The following MICAL2 variants were observed in gnomAD, a reference collection of about 807,000 sequenced individuals.
The protein encoded by MICAL2 is microtubule associated monooxygenase, calponin and LIM domain containing 2.
A neutral mutation model predicts 127.3 loss-of-function variants in MICAL2; 77 were observed. That is an observed-to-expected ratio of 0.60 (90% CI 0.50 to 0.73). MICAL2 has a LOEUF of 0.73. Ranked by LOEUF, MICAL2 falls within the 30% of genes least tolerant of loss-of-function variation. The pLI, the probability that MICAL2 is intolerant of heterozygous loss-of-function variation, is 0.00. For synonymous variants in MICAL2, 570 were observed against 551.1 expected, an observed-to-expected ratio of 1.03 and a Z score of -0.48; for missense variants, 1,351 against 1,434.4, an observed-to-expected ratio of 0.94 and a Z score of 0.94.
chr11:12,310,043 GTTAT>G (rs550614897), intron 29 of MICAL2, among the ~76,000 whole-genome samples: 14 of 152,008 alleles, frequency 9.2e-5, no homozygotes, highest in Non-Finnish European at 1.8e-4. Context: ...TTTGTACTGA[GTTAT>G]TTGAGTTTCT....
chr11:12,211,867 G>A, intron 6 of MICAL2, among the ~76,000 whole-genome samples: 1 of 152,216 alleles, frequency 6.6e-6, no homozygotes, highest in Non-Finnish European at 1.5e-5. Flanking sequence ...CAGCACAACA[G>A]CCCAGTGGTG....
At chr11:12,186,639 C>A (rs1405982275) in intron 3 of MICAL2, among the ~76,000 whole-genome samples, 5 of 152,130 alleles carry the variant, frequency 3.3e-5, no homozygotes, top group Non-Finnish European at 7.3e-5. Context: ...CCTCAGTTTA[C>A]CCAGCTGCAA....
chr11:12,166,098 C>A (rs1226127915), intron 3 of MICAL2, among the ~76,000 whole-genome samples: 7 of 152,120 alleles, frequency 4.6e-5, no homozygotes, highest in Admixed American at 1.3e-4. Context: ...CCCAGAAGAA[C>A]CTGCAATATG....
intron 2 of MICAL2, among the ~76,000 whole-genome samples, chr11:12,145,680 G>C (rs1016363356): frequency 1.3e-5 from 2 of 152,190 alleles, no homozygotes; most frequent in African/African-American, 4.8e-5. Context: ...GCTTCGAATA[G>C]CCATTAGTTA....
rs751587428 is a variant in MICAL2 at position 12,226,396 on chromosome 11, T to C, written c.1888+26T>C. ...GTAAGCACCTGCACAGAGGTTTTGCTTAGCCCCTTGAGCCAACTCTGTCCC... is the reference window on the plus strand; with the variant it reads ...GTAAGCACCTGCACAGAGGTTTTGCCTAGCCCCTTGAGCCAACTCTGTCCC... On this transcript the variant is annotated intron_variant, in intron 14 of 27. Transcript: ENST00000683283. 6.2e-6 allele frequency: 10 copies of C among 1,610,652 alleles called. No homozygotes were observed. The South Asian group carries it at 1.1e-4, about 18-fold the overall frequency.
intron 21 of MICAL2, among the ~76,000 whole-genome samples, chr11:12,248,736 T>A (rs888738291): frequency 3.9e-4 from 10 of 25,790 alleles, no homozygotes; most frequent in Non-Finnish European, 8.9e-4. Flanking sequence ...GTCTGGGGCA[T>A]CCCGCCTTTG....
At chr11:12,273,544 G>GTTT (rs11334681), upstream of MICAL2, among the ~76,000 whole-genome samples, 27 of 143,742 alleles carry the variant, frequency 1.9e-4, no homozygotes, top group African/African-American at 5.6e-4. Context: ...CTGCAGACAT[G>GTTT]TTTTTTTTTT....
Position 12,358,241 on chromosome 11 carries a change from C to T in MICAL2, c.5690-54C>T, listed in dbSNP as rs147627101. On this transcript the variant is annotated intron_variant, in intron 34 of 34. Transcript: ENST00000646065. ...CAATCGAGAATGTCCATGCCAAGAA[C>T]TCTGCCGGGGCCCAATCTTCTCTGA... The T allele has an allele frequency of 1.3e-3, 2,070 of 1,552,634 alleles. 35 individuals are homozygous for T. The East Asian group carries it at 0.038, about 29-fold the overall frequency.
chr11:12,264,853 C>T (rs1477350686), downstream of MICAL2, among the ~76,000 whole-genome samples: 1 of 152,162 alleles, frequency 6.6e-6, no homozygotes, highest in Non-Finnish European at 1.5e-5. Context: ...TTATTCTAAG[C>T]CCTAGGTACA....
intron 1 of MICAL2, among the ~76,000 whole-genome samples, chr11:12,118,364 C>A (rs1407904167): frequency 3.3e-5 from 5 of 152,200 alleles, no homozygotes; most frequent in Admixed American, 6.5e-5. Flanking sequence ...TTTTTGGCAG[C>A]TGTTGTCCCC....
chr11:12,136,679 T>C (rs1198446028), intron 1 of MICAL2, among the ~76,000 whole-genome samples: 3 of 152,074 alleles, frequency 2.0e-5, no homozygotes, highest in Non-Finnish European at 4.4e-5. Context: ...AATTTGTTGG[T>C]GTTACAGGGA....
intron 13 of MICAL2, 100 bp downstream of exon 13, chr11:12,224,920 G>A (rs1857237140): frequency 5.7e-6 from 8 of 1,401,814 alleles, no homozygotes; most frequent in Non-Finnish European, 7.8e-6. Context: ...TTCTCTTTCT[G>A]TGTTTCAATT....
At chr11:12,301,086 G>T (rs1287143073) in intron 29 of MICAL2, among the ~76,000 whole-genome samples, 2 of 152,198 alleles carry the variant, frequency 1.3e-5, no homozygotes, top group Non-Finnish European at 2.9e-5. Context: ...AGTGGCAAGA[G>T]AAAATGAGGA....
At chr11:12,350,717 TA>T (rs1285305971) in intron 33 of MICAL2, among the ~76,000 whole-genome samples, 2 of 152,214 alleles carry the variant, frequency 1.3e-5, no homozygotes, top group African/African-American at 4.8e-5. Flanking sequence ...GATAATGGCT[TA>T]TATGATAATG....
chr11:12,196,790 GCT>G (rs1389345535), intron 3 of MICAL2, among the ~76,000 whole-genome samples: 1 of 152,086 alleles, frequency 6.6e-6, no homozygotes, highest in Non-Finnish European at 1.5e-5. Flanking sequence ...CCACGATCTG[GCT>G]CTTTCTTTCT....
chr11:12,269,309 G>A (rs1045132089), intron 24 of MICAL2, among the ~76,000 whole-genome samples: 19 of 152,194 alleles, frequency 1.2e-4, no homozygotes, highest in East Asian at 5.8e-4. Flanking sequence ...AGAGGAATGC[G>A]GGTATGGGTC....
In MICAL2 at chr11:12,204,467, G is replaced by A; in HGVS notation, c.472+10G>A. On this transcript the variant is annotated intron_variant, in intron 4 of 27. Transcript: ENST00000683283. ...TCCATCGACCATATCAGTGAGTGGA[G>A]TCTATGGTGATATCCCATGAAGGGA... 2 of 1,613,414 alleles carry A rather than the reference G, an allele frequency of 1.2e-6. No individual in the cohort carries two copies. Among genetic ancestry groups the A allele is most frequent in the Non-Finnish European group, 1.7e-6 (2 of 1,179,360 alleles).
intron 32 of MICAL2, among the ~76,000 whole-genome samples, chr11:12,329,094 A>G (rs975110532): frequency 6.6e-6 from 1 of 152,236 alleles, no homozygotes; most frequent in Non-Finnish European, 1.5e-5. Flanking sequence ...TAGCTAAAAT[A>G]ATTTATGTAA....
intron 3 of MICAL2, among the ~76,000 whole-genome samples, chr11:12,181,793 A>T (rs1397134764): frequency 6.6e-6 from 1 of 152,254 alleles, no homozygotes; most frequent in Non-Finnish European, 1.5e-5. Flanking sequence ...AAAGTTGACA[A>T]CTGTCCCCCA....
Sources: allele counts gnomAD v4.1 joint callset (sites outside exome capture counted in the v4.1 genomes callset), GRCh38; gene constraint gnomAD v4.1.1; transcripts MANE v1.5; gene names NCBI Gene and HGNC (gene_info 2026-07-23, HGNC 2026-07-21).